The following SEC24B variants were observed in gnomAD, a reference collection of about 807,000 sequenced individuals.
SEC24B encodes protein transport protein Sec24B.
SEC24B carries 45 observed loss-of-function variants against 142.8 expected under a neutral mutation model. The ratio of observed to expected loss-of-function variants is 0.32; its 90% CI spans 0.25 to 0.40. The LOEUF is 0.40. Ranked by LOEUF, SEC24B falls within the 10% of genes least tolerant of loss-of-function variation. SEC24B has a pLI of 1.00. For synonymous variants in SEC24B, 574 were observed against 568.2 expected, an observed-to-expected ratio of 1.01 and a Z score of -0.15; for missense variants, 1,409 against 1,526.8, an observed-to-expected ratio of 0.92 and a Z score of 1.29.
rs981847813 is a variant in SEC24B, at chr4:109,521,891, C to T, written c.2508+265C>T. ...GGATTACAGGCGTGCACCACCACAC[C>T]CGGCTAATTTTTGTATTTTTAGTAG... On this transcript the variant is annotated intron_variant, in intron 14 of 23. Transcript: ENST00000265175. 5.3e-5 allele frequency among the ~76,000 whole-genome samples: 8 copies of T among 152,040 alleles called. No homozygotes were observed. The East Asian group carries it at 1.4e-3, about 26-fold the overall frequency.
At chr4:109,437,346 C>G (rs1291877754) in intron 1 of SEC24B, among the ~76,000 whole-genome samples, 2 of 151,970 alleles carry the variant, frequency 1.3e-5, no homozygotes, top group African/African-American at 4.8e-5. Flanking sequence ...GTCAGTGACT[C>G]CATCATAGCT....
At chr4:109,458,903 A>G (rs780521802) in intron 1 of SEC24B, among the ~76,000 whole-genome samples, 2 of 152,024 alleles carry the variant, frequency 1.3e-5, no homozygotes, top group African/African-American at 2.4e-5. Flanking sequence ...TTTTTCAGAA[A>G]TTTTACTATA....
chr4:109,494,120 C>T (rs981293525), intron 5 of SEC24B, among the ~76,000 whole-genome samples: 1 of 151,912 alleles, frequency 6.6e-6, no homozygotes, highest in Non-Finnish European at 1.5e-5. Flanking sequence ...ACTTTATTAA[C>T]TTTGTGTGTG....
Position 109,532,625 on chromosome 4 carries a change from C to G in SEC24B, c.3391-14C>G, listed in dbSNP as rs763942188. ...TAATGTAATCTCATTCACATTCTCTCTTTTTCTTTTCAGGGTGCAGTACAT... is the reference window on the plus strand; with the variant it reads ...TAATGTAATCTCATTCACATTCTCTGTTTTTCTTTTCAGGGTGCAGTACAT... On this transcript the variant is annotated splice_polypyrimidine_tract_variant and intron_variant, in intron 20 of 23. Coordinates refer to ENST00000265175, the MANE Select transcript of SEC24B (RefSeq NM_006323.5). 21 of 1,601,096 alleles carry G rather than the reference C, an allele frequency of 1.3e-5. No individual in the cohort carries two copies. Among genetic ancestry groups the G allele is most frequent in the Admixed American group, 3.3e-5 (2 of 59,970 alleles).
At chr4:109,461,974 G>A (rs1364233510) in intron 1 of SEC24B, among the ~76,000 whole-genome samples, 1 of 151,968 alleles carries the variant, frequency 6.6e-6, no homozygotes, top group Non-Finnish European at 1.5e-5. Flanking sequence ...CATTGGCTGG[G>A]CCGTGGTGTA....
rs1478065779 is a variant in SEC24B, at chr4:109,450,812, G to A, written c.134-12089G>A. ...CCTCTTGCTCAGGCTGGAGTACACT[G>A]GCTATTCACAGTTGTAGTCCCACTA... On this transcript the variant is annotated intron_variant, in intron 1 of 23. Transcript: ENST00000265175. The A allele has an allele frequency of 1.4e-5, 2 of 144,474 alleles. 1 individual carries two copies. The highest frequency in any genetic ancestry group is 3.0e-5 in the Non-Finnish European group (2 of 67,104). 8.9% of individuals were successfully genotyped at this position (144,474 alleles called of 1,614,324 possible). A position where few individuals can be genotyped will look rare whatever the true frequency, so the allele number is the denominator to read the frequency against.
At chr4:109,480,149 A>C (rs1335416925) in intron 3 of SEC24B, among the ~76,000 whole-genome samples, 1 of 152,174 alleles carries the variant, frequency 6.6e-6, no homozygotes, top group Non-Finnish European at 1.5e-5. Flanking sequence ...TCATTGTTGA[A>C]AGATCAAAGC....
chr4:109,533,606 G>C lies in SEC24B; in HGVS notation c.3509G>C (p.Trp1170Ser). 6.2e-7 allele frequency: 1 copy of C among 1,608,468 alleles called. No homozygotes were observed. Among genetic ancestry groups the C allele is most frequent in the Non-Finnish European group, 8.5e-7 (1 of 1,176,682 alleles). The change falls in exon 22 of 24, where the codon TGG (tryptophan) becomes TCG (serine). Residue 1170 changes from tryptophan (W) to serine (S), a missense_variant. By Grantham distance (177) the Trp-to-Ser change is radical. Transcript: ENST00000265175. ...TTTTCTTTTTAGGTTTTTTACATTT[G>C]GGTTGGGAAAGGCTGTGACAATAAC... is the stretch of plus-strand genomic sequence containing the variant. The part of the protein sequence containing the change: ...LMDCGSVFYI[W>S]VGKGCDNNFI...
chr4:109,471,196 G>A (rs977219060), intron 2 of SEC24B, among the ~76,000 whole-genome samples: 2 of 152,112 alleles, frequency 1.3e-5, no homozygotes, highest in Non-Finnish European at 1.5e-5. Context: ...AGGCTGGAGT[G>A]CAGTGGCAAG....
At chr4:109,471,711 T>C (rs1732543093) in intron 2 of SEC24B, among the ~76,000 whole-genome samples, 1 of 152,190 alleles carries the variant, frequency 6.6e-6, no homozygotes. Flanking sequence ...GTCTAGCAGT[T>C]GGTGCAGACT....
chr4:109,475,446 T>A (rs959673455), intron 3 of SEC24B, among the ~76,000 whole-genome samples: 13 of 152,214 alleles, frequency 8.5e-5, no homozygotes, highest in Non-Finnish European at 1.8e-4. Context: ...TTCTTCCAAA[T>A]TCAAAGACAC....
Position 109,463,622 on chromosome 4 carries a change from GAAC to G in SEC24B, c.862_864del (p.Asn288del). 3 of 1,613,230 alleles carry G rather than the reference GAAC, an allele frequency of 1.9e-6. No homozygotes were observed. Among genetic ancestry groups the G allele is most frequent in the Non-Finnish European group, 1.7e-6 (2 of 1,179,370 alleles). ...ACCACACAGGATCCCTGGCTGTAGC[GAAC>G]AACAACCCAACCATTACTGGTAGGT... On this transcript the variant is annotated inframe_deletion, in exon 2 of 24. Coordinates refer to ENST00000265175, the MANE Select transcript of SEC24B (RefSeq NM_006323.5).
At chr4:109,491,578 T>A (rs1735025120) in intron 5 of SEC24B, among the ~76,000 whole-genome samples, 171 bp downstream of exon 5, 1 of 152,238 alleles carries the variant, frequency 6.6e-6, no homozygotes, top group Non-Finnish European at 1.5e-5. Flanking sequence ...CACTAACAAC[T>A]ATGAAGCTTG....
At chr4:109,520,790 C>T (rs534810167) in intron 12 of SEC24B, among the ~76,000 whole-genome samples, 2 of 152,198 alleles carry the variant, frequency 1.3e-5, no homozygotes, top group African/African-American at 4.8e-5. Context: ...GTCAGGAGTT[C>T]GAGACCAGCC....
chr4:109,460,687 C>T (rs1336662016), intron 1 of SEC24B, among the ~76,000 whole-genome samples: 3 of 151,620 alleles, frequency 2.0e-5, no homozygotes, highest in African/African-American at 4.8e-5. Context: ...TATAATAATA[C>T]TATTTACTTT....
intron 1 of SEC24B, among the ~76,000 whole-genome samples, chr4:109,435,584 T>G (rs1728336421): frequency 6.6e-6 from 1 of 152,234 alleles, no homozygotes. Context: ...TTATAAATTT[T>G]GTGAACACTC....
intron 10 of SEC24B, among the ~76,000 whole-genome samples, chr4:109,515,761 C>G (rs1299879803): frequency 6.6e-6 from 1 of 152,130 alleles, no homozygotes; most frequent in Non-Finnish European, 1.5e-5. Context: ...ATTTAAAGGC[C>G]AGGCACAGTG....
In SEC24B at chr4:109,524,808, G is replaced by C; in HGVS notation, c.2509-10G>C. The C allele has an allele frequency of 6.2e-7, 1 of 1,604,872 alleles. No homozygotes were observed. On this transcript the variant is annotated splice_polypyrimidine_tract_variant and intron_variant, in intron 14 of 23. Coordinates refer to ENST00000265175, the MANE Select transcript of SEC24B (RefSeq NM_006323.5). ...ATTGCTAGCTCTTACTATATGATCT[G>C]TTGACTTAGGTGGTACAACATCTTG... is the stretch of plus-strand genomic sequence containing the variant.
intron 6 of SEC24B, among the ~76,000 whole-genome samples, chr4:109,503,426 A>G (rs1484925376): frequency 6.6e-6 from 1 of 151,928 alleles, no homozygotes; most frequent in Non-Finnish European, 1.5e-5. Flanking sequence ...GGGTTTCACC[A>G]TGTTGGCCAG....
Sources: gnomAD v4.1 joint callset for allele counts (sites outside exome capture counted in the v4.1 genomes callset) on GRCh38, gnomAD v4.1.1 for gene constraint, MANE v1.5 for transcripts, NCBI Gene and HGNC (gene_info 2026-07-23, HGNC 2026-07-21) for gene names.